COL21A1: variants seen among roughly 807,000 people sequenced by gnomAD.
The protein encoded by COL21A1 is collagen alpha-1(XXI) chain.
A neutral mutation model predicts 137.9 loss-of-function variants in COL21A1; 149 were observed. The ratio of observed to expected loss-of-function variants is 1.08; its 90% CI spans 0.95 to 1.24. COL21A1 has a LOEUF of 1.24. COL21A1 is among the 50% of genes most tolerant of loss of function. COL21A1 has a pLI of 0.00. For missense variants in COL21A1, 1,167 were observed against 1,158.4 expected, an observed-to-expected ratio of 1.01 and a Z score of -0.11; for synonymous variants, 456 against 391.5, an observed-to-expected ratio of 1.16 and a Z score of -1.95.
chr6:56,174,482 A>G (rs1021115183), intron 3 of COL21A1, among the ~76,000 whole-genome samples: 2 of 152,098 alleles, frequency 1.3e-5, no homozygotes, highest in African/African-American at 4.8e-5. Flanking sequence ...GAGATATTAC[A>G]ATTGATGCCA....
At chr6:56,131,685 A>G (rs1773565290) in intron 12 of COL21A1, among the ~76,000 whole-genome samples, 1 of 152,128 alleles carries the variant, frequency 6.6e-6, no homozygotes, top group African/African-American at 2.4e-5. Context: ...TATTAAGTGT[A>G]GAGAAGGAGA....
At chr6:56,274,037 A>C (rs956981463) in intron 1 of COL21A1, among the ~76,000 whole-genome samples, 3 of 152,122 alleles carry the variant, frequency 2.0e-5, no homozygotes, top group Non-Finnish European at 4.4e-5. Context: ...TACACCACAA[A>C]CAAGTAGGCT....
At chr6:56,126,974 G>A (rs1773100575) in intron 12 of COL21A1, among the ~76,000 whole-genome samples, 1 of 152,126 alleles carries the variant, frequency 6.6e-6, no homozygotes, top group Non-Finnish European at 1.5e-5. Flanking sequence ...TTTAAAGAGT[G>A]ATATATTTAT....
At position 56,066,770 on chromosome 6, in the gene COL21A1, T is replaced by G. The variant is rs1766287065; in HGVS notation, c.2127+525A>C. On this transcript the variant is annotated intron_variant, in intron 23 of 29. Coordinates refer to ENST00000244728, the MANE Select transcript of COL21A1 (RefSeq NM_030820.4). ...AGTAAAATAGGTCTCCTCTTTGCCTTTGCTGCTAAGACACCCAAAACTAAA... is the reference window on the plus strand; with the variant it reads ...AGTAAAATAGGTCTCCTCTTTGCCTGTGCTGCTAAGACACCCAAAACTAAA... Among the ~76,000 whole-genome samples the G allele has an allele frequency of 2.0e-5, 3 of 151,690 alleles. No homozygotes were observed. The South Asian group carries it at 6.2e-4, about 31-fold the overall frequency.
At chr6:56,074,629 T>A (rs1767049883) in intron 19 of COL21A1, among the ~76,000 whole-genome samples, 1 of 151,388 alleles carries the variant, frequency 6.6e-6, no homozygotes, top group Admixed American at 6.6e-5. Context: ...AAATTAGGTG[T>A]CTTCATAGAT....
rs1168906587 is a variant in COL21A1 at position 56,057,481 on chromosome 6, G to A, written c.*176C>T. 7.9e-6 allele frequency: 5 copies of A among 629,430 alleles called. No individual in the cohort carries two copies. The highest frequency in any genetic ancestry group is 3.2e-5 in the Admixed American group (1 of 31,532). The allele number at this position is 629,430 out of a possible 1,614,324, so 39.0% of individuals were successfully genotyped here. On this transcript the variant is annotated 3_prime_UTR_variant, in exon 30 of 30. Coordinates refer to ENST00000244728, the MANE Select transcript of COL21A1 (RefSeq NM_030820.4). ...TAATCCAAGGGCTCCAAATGACTGA[G>A]GAGCCTTTAAAATCAGTATATGTGA...
chr6:56,070,649 A>G (rs1766662117), intron 21 of COL21A1, 96 bp downstream of exon 21: 2 of 750,532 alleles, frequency 2.7e-6, no homozygotes, highest in Non-Finnish European at 4.1e-6. Flanking sequence ...AACTTCATGT[A>G]TCTCTTCAGA....
At chr6:56,187,765 T>G (rs900265925) in intron 1 of COL21A1, among the ~76,000 whole-genome samples, 15 of 152,150 alleles carry the variant, frequency 9.9e-5, no homozygotes, top group Non-Finnish European at 1.8e-4. Flanking sequence ...CAACTTTGGA[T>G]TAAGATGAAT....
chr6:56,120,591 A>T (rs1241955791), intron 16 of COL21A1, among the ~76,000 whole-genome samples: 1 of 152,068 alleles, frequency 6.6e-6, no homozygotes, highest in Non-Finnish European at 1.5e-5. Flanking sequence ...GAGGTCAGGA[A>T]TTCGAGAACA....
At chr6:56,137,938 C>T (rs2152232187) in intron 12 of COL21A1, among the ~76,000 whole-genome samples, 1 of 152,222 alleles carries the variant, frequency 6.6e-6, no homozygotes, top group African/African-American at 2.4e-5. Flanking sequence ...TAAGTCAGCA[C>T]CATGTGTACA....
At chr6:56,249,757 G>A (rs1461822796), upstream of COL21A1, among the ~76,000 whole-genome samples, 1 of 152,180 alleles carries the variant, frequency 6.6e-6, no homozygotes, top group African/African-American at 2.4e-5. Flanking sequence ...AATGGGAATG[G>A]GGTTTGCTTT....
chr6:56,264,159 A>C (rs1763344870), intron 1 of COL21A1, among the ~76,000 whole-genome samples: 1 of 152,240 alleles, frequency 6.6e-6, no homozygotes. Flanking sequence ...CATGGAAAGC[A>C]AATTGCTGGA....
At chr6:56,298,464 G>A (rs1764208169) in intron 1 of COL21A1, among the ~76,000 whole-genome samples, 1 of 152,040 alleles carries the variant, frequency 6.6e-6, no homozygotes, top group South Asian at 2.1e-4. Context: ...GGAATCAGAA[G>A]CAGTTGAGTT....
chr6:56,140,760 T>C (rs2152235850), intron 12 of COL21A1, among the ~76,000 whole-genome samples: 1 of 152,304 alleles, frequency 6.6e-6, no homozygotes, highest in Non-Finnish European at 1.5e-5. Context: ...CCACAATGAC[T>C]AGGTCAAATC....
intron 28 of COL21A1, among the ~76,000 whole-genome samples, chr6:56,059,616 G>A (rs1374667221): frequency 6.6e-6 from 1 of 151,908 alleles, no homozygotes; most frequent in Non-Finnish European, 1.5e-5. Flanking sequence ...GAGAAATTCT[G>A]GGCTATTAGG....
chr6:56,369,400 G>GA (rs1327278162), intron 1 of COL21A1, among the ~76,000 whole-genome samples: 2 of 151,558 alleles, frequency 1.3e-5, no homozygotes, highest in African/African-American at 4.9e-5. Context: ...TCTAAGATGT[G>GA]AGAGGGTGTT....
intron 1 of COL21A1, among the ~76,000 whole-genome samples, chr6:56,257,968 T>C (rs911755558): frequency 6.6e-6 from 1 of 152,082 alleles, no homozygotes; most frequent in African/African-American, 2.4e-5. Flanking sequence ...AATATACAGG[T>C]ATTTCTGGAT....
chr6:56,320,496 C>T (rs1003972077), intron 1 of COL21A1, among the ~76,000 whole-genome samples: 3 of 148,030 alleles, frequency 2.0e-5, no homozygotes, highest in Non-Finnish European at 4.5e-5. Context: ...CTATGATAAC[C>T]CCCAAGGTCC....
At chr6:56,241,088 T>C (rs973496892) in intron 1 of COL21A1, among the ~76,000 whole-genome samples, 22 of 152,244 alleles carry the variant, frequency 1.4e-4, no homozygotes, top group African/African-American at 5.1e-4. Flanking sequence ...AAAACAATTA[T>C]CATGTTGCTA....
Sources: gnomAD v4.1 joint callset for allele counts (sites outside exome capture counted in the v4.1 genomes callset) on GRCh38, gnomAD v4.1.1 for gene constraint, MANE v1.5 for transcripts, NCBI Gene and HGNC (gene_info 2026-07-23, HGNC 2026-07-21) for gene names.